Variants in USP32 observed in about 807,000 individuals in gnomAD.
USP32 encodes the protein ubiquitin carboxyl-terminal hydrolase 32.
A neutral mutation model predicts 204.8 loss-of-function variants in USP32; 59 were observed. That is an observed-to-expected ratio of 0.29 (90% CI 0.23 to 0.36). USP32 has a LOEUF of 0.36. Ranked by LOEUF, USP32 falls within the 10% of genes least tolerant of loss-of-function variation. The pLI, the probability that USP32 is intolerant of heterozygous loss-of-function variation, is 1.00. For synonymous variants in USP32, 517 were observed against 678.4 expected (o/e 0.76, Z 3.70); for missense variants, 1,160 against 1,946.4 (o/e 0.60, Z 7.60).
intron 5 of USP32, among the ~76,000 whole-genome samples, chr17:60,276,410 G>A (rs923207873): frequency 6.6e-6 from 1 of 152,076 alleles, no homozygotes; most frequent in Admixed American, 6.6e-5. Flanking sequence ...TAAGATGTCT[G>A]TCTATTCCAT....
intron 29 of USP32, among the ~76,000 whole-genome samples, chr17:60,189,578 G>A (rs1269894230): frequency 6.6e-6 from 1 of 152,162 alleles, no homozygotes; most frequent in Non-Finnish European, 1.5e-5. Flanking sequence ...AAAACTGCCT[G>A]AGGCAAACAT....
In USP32 at chr17:60,219,735, T is replaced by G. The variant is rs2085196999; in HGVS notation, c.1802A>C (p.Tyr601Ser). 6.2e-7 allele frequency: 1 copy of G among 1,613,524 alleles called. No individual in the cohort carries two copies. Among genetic ancestry groups the G allele is most frequent in the African/African-American group, 1.3e-5 (1 of 74,786 alleles). The part of the protein sequence containing the change: ...DIPELELFPR[Y>S]LLFLRQQPAT... The stretch of plus-strand genomic sequence containing the variant: ...AGGCTGCTGTCTCAGGAAGAGAAGA[T>G]AGCGGGGAAATAATTCCAGCTCTGG... The change falls in exon 16 of 34, where the codon TAT becomes TCT. Residue 601 changes from tyrosine (Y) to serine (S), a missense_variant. By Grantham distance (144) the Tyr-to-Ser change is moderately radical. Coordinates refer to ENST00000300896, the MANE Select transcript of USP32 (RefSeq NM_032582.4).
chr17:60,224,021 A>G (rs1423461516), intron 13 of USP32, among the ~76,000 whole-genome samples: 2 of 152,178 alleles, frequency 1.3e-5, no homozygotes, highest in Non-Finnish European at 2.9e-5. Context: ...ACTCCAACAA[A>G]AGAGTAATGG....
intron 1 of USP32, among the ~76,000 whole-genome samples, chr17:60,367,033 T>C (rs1022616262): frequency 6.6e-6 from 1 of 152,144 alleles, no homozygotes; most frequent in African/African-American, 2.4e-5. Flanking sequence ...TTCACCGTGT[T>C]AGCCAGGATG....
chr17:60,335,201 T>C (rs1195854895), intron 2 of USP32, among the ~76,000 whole-genome samples: 1 of 142,018 alleles, frequency 7.0e-6, no homozygotes, highest in Non-Finnish European at 1.5e-5. Context: ...CTTAAACTCC[T>C]GGGCTCAAGC....
intron 14 of USP32, 42 bp from the exon 15 acceptor site, chr17:60,222,591 A>G: frequency 1.3e-6 from 2 of 1,598,940 alleles, no homozygotes; most frequent in African/African-American, 2.7e-5. Flanking sequence ...TCAATATTAC[A>G]AAAGTTTTTG....
intron 1 of USP32, among the ~76,000 whole-genome samples, chr17:60,348,108 C>T (rs1247935717): frequency 7.4e-5 from 11 of 148,160 alleles, no homozygotes; most frequent in African/African-American, 2.5e-4. Flanking sequence ...GGCAACAGAG[C>T]GAGACCCCGT....
At chr17:60,188,254 G>C (rs1367413991) in intron 29 of USP32, among the ~76,000 whole-genome samples, 1 of 152,136 alleles carries the variant, frequency 6.6e-6, no homozygotes, top group Non-Finnish European at 1.5e-5. Flanking sequence ...GAAATGTAAA[G>C]GATAAGAGTG....
At chr17:60,181,893 A>G in intron 31 of USP32, 145 bp from the exon 32 acceptor site, 2 of 1,282,358 alleles carry the variant, frequency 1.6e-6, no homozygotes, top group Non-Finnish European at 1.1e-6. Context: ...TTTAGTTCCT[A>G]TTATGTAGCC....
At chr17:60,213,932 C>T (rs1408896211) in intron 17 of USP32, among the ~76,000 whole-genome samples, 6 of 150,756 alleles carry the variant, frequency 4.0e-5, no homozygotes, top group East Asian at 1.9e-4. Flanking sequence ...TACATGAATA[C>T]GTTTTGTTTT....
chr17:60,183,101 A>G (rs2084154826), intron 31 of USP32, 64 bp downstream of exon 31: 1 of 1,509,282 alleles, frequency 6.6e-7, no homozygotes, highest in African/African-American at 1.4e-5. Context: ...AACAGAAGAC[A>G]GAGAAACATA....
At chr17:60,303,416 C>A (rs138840563) in intron 2 of USP32, among the ~76,000 whole-genome samples, 53 of 151,676 alleles carry the variant, frequency 3.5e-4, no homozygotes, top group Admixed American at 6.6e-4. Context: ...AAAACTGAGA[C>A]AGAAATAGGA....
In USP32 at chr17:60,392,106, G is replaced by A; in HGVS notation, c.-167C>T. The A allele has an allele frequency of 4.8e-6, 3 of 630,332 alleles. No individual in the cohort carries two copies. The highest frequency in any genetic ancestry group is 4.1e-5 in the South Asian group (2 of 49,002). The allele number at this position is 630,332 out of a possible 1,614,324, so 39.0% of individuals were successfully genotyped here. ...TCTGCCCCGGCGGCTCCTCCCGGTC[G>A]CCGCCACCGCCTCCATGCCGGATCA... On this transcript the variant is annotated 5_prime_UTR_variant, in exon 1 of 34. Transcript: ENST00000300896.
chr17:60,382,308 G>A (rs1349391157), intron 1 of USP32, among the ~76,000 whole-genome samples: 1 of 152,190 alleles, frequency 6.6e-6, no homozygotes, highest in East Asian at 1.9e-4. Flanking sequence ...TTTCAGACCA[G>A]CAACACAGTG....
At chr17:60,413,156 G>A (rs1692410392) in intron 1 of USP32, among the ~76,000 whole-genome samples, 2 of 152,202 alleles carry the variant, frequency 1.3e-5, no homozygotes. Context: ...TATTTTGGGA[G>A]AAGCAGGAGT....
Position 60,376,077 on chromosome 17 carries a change from C to G in USP32, c.58+15805G>C, listed in dbSNP as rs142761382. ...TTTTGTTTTTAGAGACGGGGTCTCA[C>G]TCCTGTCGCCCAGGCTGGAATGCAG... On this transcript the variant is annotated intron_variant, in intron 1 of 33. Transcript: ENST00000300896. 4.3e-3 allele frequency among the ~76,000 whole-genome samples: 644 copies of G among 151,460 alleles called. 4 individuals are homozygous for G. The highest frequency in any genetic ancestry group is 0.017 in the Middle Eastern group (5 of 292).
rs746689628 is a variant in USP32 at position 60,209,362 on chromosome 17, T to C, written c.2598+8A>G. On this transcript the variant is annotated splice_region_variant and intron_variant, in intron 22 of 33. Transcript: ENST00000300896. ...ATTGCTTACATTAGAAACTCAAAAC[T>C]GACAAACCTCTGCAGCTACTTCCCA... 1.7e-5 allele frequency: 24 copies of C among 1,433,736 alleles called. 1 individual carries two copies. In the South Asian group the frequency reaches 3.2e-4, roughly 19 times the overall value. The allele number at this position is 1,433,736 out of a possible 1,614,324, so 88.8% of individuals were successfully genotyped here.
chr17:60,378,554 CCAT>C (rs756750212), intron 1 of USP32, among the ~76,000 whole-genome samples: 8 of 152,020 alleles, frequency 5.3e-5, no homozygotes, highest in Non-Finnish European at 1.2e-4. Context: ...CAAATATGTC[CCAT>C]CAACAGATGG....
intron 1 of USP32, among the ~76,000 whole-genome samples, chr17:60,413,272 G>A (rs2090032731): frequency 6.6e-6 from 1 of 152,070 alleles, no homozygotes; most frequent in East Asian, 1.9e-4. Flanking sequence ...CACTCACCTG[G>A]CCCAGCAAAA....
Sources: allele counts gnomAD v4.1 joint callset (sites outside exome capture counted in the v4.1 genomes callset), GRCh38; gene constraint gnomAD v4.1.1; transcripts MANE v1.5; gene names NCBI Gene and HGNC (gene_info 2026-07-23, HGNC 2026-07-21).